Variants in DSCAM observed in about 807,000 individuals in gnomAD.
DSCAM encodes the protein cell adhesion molecule DSCAM.
A neutral mutation model predicts 217.7 loss-of-function variants in DSCAM; 47 were observed. That is an observed-to-expected ratio of 0.22 (90% CI 0.17 to 0.28). DSCAM has a LOEUF of 0.28. Ranked by LOEUF, DSCAM falls within the 10% of genes least tolerant of loss-of-function variation. DSCAM has a pLI of 1.00. For synonymous variants in DSCAM, 1,056 were observed against 1,015.3 expected, an observed-to-expected ratio of 1.04 and a Z score of -0.76; for missense variants, 2,080 against 2,618.3, an observed-to-expected ratio of 0.79 and a Z score of 4.49.
intron 3 of DSCAM, among the ~76,000 whole-genome samples, chr21:40,581,604 G>A (rs2076906261): frequency 6.6e-6 from 1 of 152,148 alleles, no homozygotes; most frequent in Non-Finnish European, 1.5e-5. Flanking sequence ...GGGAGAAAGT[G>A]TGAGGTCAGC....
rs543381222 is a variant in DSCAM, at chr21:40,766,087, C to A, written c.44-57316G>T. ...ATTTTAGCACTTCATAAATTTCTAACAAGGTTTCAAATTGCGGCCGTTTCC... is the reference window on the plus strand; with the variant it reads ...ATTTTAGCACTTCATAAATTTCTAAAAAGGTTTCAAATTGCGGCCGTTTCC... On this transcript the variant is annotated intron_variant, in intron 1 of 32. Coordinates refer to ENST00000400454, the MANE Select transcript of DSCAM (RefSeq NM_001389.5). Among the ~76,000 whole-genome samples, 120 of 152,308 alleles carry A rather than the reference C, an allele frequency of 7.9e-4. 3 individuals carry two copies. In the South Asian group the frequency reaches 0.023, roughly 30 times the overall value.
intron 3 of DSCAM, among the ~76,000 whole-genome samples, chr21:40,376,538 G>T (rs187438148): frequency 0.041 from 2,198 of 53,788 alleles, 290 homozygotes; most frequent in African/African-American, 0.08. Context: ...TATAGATATC[G>T]ATATATCTTA....
chr21:40,642,729 G>A (rs1441497610), intron 3 of DSCAM, among the ~76,000 whole-genome samples: 1 of 152,128 alleles, frequency 6.6e-6, no homozygotes, highest in Non-Finnish European at 1.5e-5. Flanking sequence ...GACCACAGGT[G>A]CTTGCCACCA....
At chr21:40,611,821 T>C (rs984467423) in intron 3 of DSCAM, among the ~76,000 whole-genome samples, 17 of 146,430 alleles carry the variant, frequency 1.2e-4, no homozygotes, top group Non-Finnish European at 2.3e-4. Flanking sequence ...AACTAATTAT[T>C]TGATAATTCT....
chr21:40,269,663 A>G (rs1601503286), intron 11 of DSCAM, among the ~76,000 whole-genome samples: 1 of 152,208 alleles, frequency 6.6e-6, no homozygotes, highest in African/African-American at 2.4e-5. Context: ...AAGTTTCTAC[A>G]GGAGACCCCT....
chr21:40,595,125 TC>T (rs1042181494), intron 3 of DSCAM, among the ~76,000 whole-genome samples: 3 of 152,206 alleles, frequency 2.0e-5, no homozygotes, highest in East Asian at 1.9e-4. Flanking sequence ...TGCCTATAAT[TC>T]CATGAGTTTG....
chr21:40,279,519 T>C (rs1373208553), intron 10 of DSCAM, among the ~76,000 whole-genome samples: 1 of 152,216 alleles, frequency 6.6e-6, no homozygotes, highest in Non-Finnish European at 1.5e-5. Flanking sequence ...GCTTTCACAC[T>C]GTTAGTGGGA....
At chr21:40,389,224 G>C (rs1048007378) in intron 3 of DSCAM, among the ~76,000 whole-genome samples, 1 of 152,008 alleles carries the variant, frequency 6.6e-6, no homozygotes, top group South Asian at 2.1e-4. Context: ...ATTTGAGCAA[G>C]GAAATCAAAA....
chr21:40,170,782 G>T (rs1325943296), intron 15 of DSCAM, among the ~76,000 whole-genome samples: 1 of 152,126 alleles, frequency 6.6e-6, no homozygotes, highest in East Asian at 1.9e-4. Flanking sequence ...CTTTAATTTA[G>T]TTACACTTAA....
chr21:40,410,463 T>G (rs1200286865), intron 3 of DSCAM, among the ~76,000 whole-genome samples: 1 of 151,516 alleles, frequency 6.6e-6, no homozygotes, highest in Non-Finnish European at 1.5e-5. Flanking sequence ...GAAAAAATAT[T>G]TGAAGGGAGT....
chr21:40,413,206 C>T (rs1164437478), intron 3 of DSCAM, among the ~76,000 whole-genome samples: 1 of 152,196 alleles, frequency 6.6e-6, no homozygotes, highest in Non-Finnish European at 1.5e-5. Flanking sequence ...TCAGAGTCCC[C>T]ACACAGAGTA....
chr21:40,048,023 T>A (rs931273314), intron 30 of DSCAM, among the ~76,000 whole-genome samples: 1 of 152,146 alleles, frequency 6.6e-6, no homozygotes, highest in African/African-American at 2.4e-5. Flanking sequence ...TGACTGAGAG[T>A]GAGAGCTTTG....
At chr21:40,749,134 AC>A (rs1387970267) in intron 1 of DSCAM, among the ~76,000 whole-genome samples, 4 of 152,302 alleles carry the variant, frequency 2.6e-5, no homozygotes, top group African/African-American at 7.2e-5. Context: ...CTAGAAGAAA[AC>A]ATAGAGGAAA....
chr21:40,483,308 A>G (rs1196505790), intron 3 of DSCAM, among the ~76,000 whole-genome samples: 1 of 152,242 alleles, frequency 6.6e-6, no homozygotes, highest in Non-Finnish European at 1.5e-5. Context: ...CTATTTGAAT[A>G]GTAAGGAGGA....
At chr21:40,330,390 TA>T (rs1489464204) in intron 8 of DSCAM, among the ~76,000 whole-genome samples, 1 of 124,098 alleles carries the variant, frequency 8.1e-6, no homozygotes, top group Admixed American at 9.6e-5. Context: ...TATTATATAA[TA>T]AATATATATT....
intron 11 of DSCAM, among the ~76,000 whole-genome samples, chr21:40,273,831 G>C (rs541557700): frequency 1.3e-5 from 2 of 152,188 alleles, no homozygotes; most frequent in Non-Finnish European, 2.9e-5. Context: ...GAACAGGAGA[G>C]CTCTCTGGGG....
At chr21:40,838,469 G>C (rs2092074282) in intron 1 of DSCAM, among the ~76,000 whole-genome samples, 1 of 152,184 alleles carries the variant, frequency 6.6e-6, no homozygotes, top group South Asian at 2.1e-4. Context: ...GGGACCCTCA[G>C]GTCATCAAGG....
chr21:40,460,337 T>C (rs2145947062), intron 3 of DSCAM, among the ~76,000 whole-genome samples: 1 of 152,150 alleles, frequency 6.6e-6, no homozygotes, highest in East Asian at 1.9e-4. Flanking sequence ...AAATAAAAAA[T>C]AAAAACAAGT....
intron 3 of DSCAM, among the ~76,000 whole-genome samples, chr21:40,687,012 C>A (rs1037422776): frequency 1.3e-5 from 2 of 152,194 alleles, no homozygotes; most frequent in Non-Finnish European, 2.9e-5. Context: ...AACATGACAT[C>A]TCTGTGCCTT....
Sources: allele counts gnomAD v4.1 joint callset (sites outside exome capture counted in the v4.1 genomes callset), GRCh38; gene constraint gnomAD v4.1.1; transcripts MANE v1.5; gene names NCBI Gene and HGNC (gene_info 2026-07-23, HGNC 2026-07-21).